Variants in RTL4 observed in about 807,000 individuals in gnomAD.
RTL4 encodes the protein retrotransposon Gag like 4, also known as retrotransposon Gag-like protein 4.
Under a neutral mutation model 5.3 loss-of-function variants are expected in RTL4, and 4 were observed. That is an observed-to-expected ratio of 0.75 (90% CI 0.37 to 1.72). RTL4 has a LOEUF of 1.72. Ranked by LOEUF, RTL4 falls within the 40% of genes most tolerant of loss-of-function variation. The pLI is 0.04. For synonymous variants in RTL4, 98 were observed against 87.3 expected (o/e 1.12, Z -0.68); for missense variants, 260 against 227.1 (o/e 1.14, Z -0.93).
chrX:112,283,436 G>A, the RTL4 span, among the ~76,000 whole-genome samples: 2 of 111,544 alleles, frequency 1.8e-5, no homozygotes, highest in Non-Finnish European at 3.8e-5. Context: ...CTGGTAAAGA[G>A]GCAACAAAGA....
chrX:112,138,197 C>A, the RTL4 span, among the ~76,000 whole-genome samples: 2 of 111,970 alleles, frequency 1.8e-5, no homozygotes, highest in Non-Finnish European at 3.8e-5. Flanking sequence ...TTAAAATAGT[C>A]AAACTCATAG....
At chrX:112,349,795 C>G in the RTL4 span, among the ~76,000 whole-genome samples, 116 of 100,786 alleles carry the variant, frequency 1.2e-3, no homozygotes, top group Non-Finnish European at 1.6e-3. Context: ...GATATACAAT[C>G]ATGTCATCTG....
the RTL4 span, among the ~76,000 whole-genome samples, chrX:112,263,786 A>G: frequency 8.9e-6 from 1 of 112,037 alleles, no homozygotes; most frequent in Non-Finnish European, 1.9e-5. Flanking sequence ...GACATACAAA[A>G]TGATAACTAT....
At chrX:112,224,531 G>A in the RTL4 span, among the ~76,000 whole-genome samples, 6 of 109,015 alleles carry the variant, frequency 5.5e-5, no homozygotes, top group South Asian at 4.0e-4. Flanking sequence ...CAGTAGAGAC[G>A]GGGTTTTGCC....
the RTL4 span, among the ~76,000 whole-genome samples, chrX:112,347,135 C>T: frequency 1.8e-5 from 2 of 111,702 alleles, no homozygotes; most frequent in African/African-American, 6.5e-5. Context: ...GAGCCCATTT[C>T]TTCCTCTCCA....
the RTL4 span, among the ~76,000 whole-genome samples, chrX:112,372,925 C>T: frequency 9.0e-6 from 1 of 111,407 alleles, no homozygotes; most frequent in Non-Finnish European, 1.9e-5. Context: ...TTGTGTCTTT[C>T]CTTGGAGACA....
chrX:112,233,981 A>G, the RTL4 span, among the ~76,000 whole-genome samples: 1 of 110,658 alleles, frequency 9.0e-6, no homozygotes, highest in Non-Finnish European at 1.9e-5. Flanking sequence ...TCGCAAGGTC[A>G]GGAGATTGAG....
chrX:112,200,662 G>C, the RTL4 span, among the ~76,000 whole-genome samples: 1 of 112,125 alleles, frequency 8.9e-6, no homozygotes, highest in Non-Finnish European at 1.9e-5. Flanking sequence ...CCTGAATGGG[G>C]CTGATTTGAA....
the RTL4 span, among the ~76,000 whole-genome samples, chrX:112,365,410 C>A: frequency 1.8e-5 from 2 of 110,895 alleles, no homozygotes; most frequent in African/African-American, 6.6e-5. Flanking sequence ...TTCATAGAAG[C>A]TTTCCCAGAT....
the RTL4 span, among the ~76,000 whole-genome samples, chrX:112,202,720 C>T: frequency 9.1e-6 from 1 of 109,562 alleles, no homozygotes; most frequent in South Asian, 4.0e-4. Context: ...GCCATCATGC[C>T]TGGCTAATTT....
exon 1 of RTL4, chrX:112,456,117 C>G (rs1602583571): frequency 5.6e-6 from 1 of 177,582 alleles, no homozygotes; most frequent in South Asian, 3.8e-4. Flanking sequence ...TGGCTTAGGA[C>G]CTTTGGCTGA....
chrX:112,194,132 G>A, the RTL4 span, among the ~76,000 whole-genome samples: 1 of 112,003 alleles, frequency 8.9e-6, no homozygotes, highest in Non-Finnish European at 1.9e-5. Context: ...GCTCTCCAGT[G>A]AGTGATTATT....
the RTL4 span, among the ~76,000 whole-genome samples, chrX:112,246,504 T>C: frequency 2.7e-5 from 3 of 112,239 alleles, no homozygotes; most frequent in Non-Finnish European, 3.8e-5. Context: ...TAAGGCTCTG[T>C]GGGTGTGGCA....
the RTL4 span, among the ~76,000 whole-genome samples, chrX:112,121,745 G>A: frequency 7.6e-4 from 84 of 111,026 alleles, no homozygotes; most frequent in African/African-American, 2.5e-3. Context: ...GATCCAGATG[G>A]GCTTATTTCA....
chrX:112,245,027 C>T, the RTL4 span, among the ~76,000 whole-genome samples: 4 of 112,344 alleles, frequency 3.6e-5, no homozygotes. Context: ...TTGGCGTCCA[C>T]TCTCTTCTGG....
chrX:112,325,053 C>T, the RTL4 span, among the ~76,000 whole-genome samples: 802 of 111,370 alleles, frequency 7.2e-3, 10 homozygotes, highest in African/African-American at 0.025. Context: ...TTCACAATTG[C>T]TTCAAAGAGA....
the RTL4 span, among the ~76,000 whole-genome samples, chrX:112,250,908 A>G: frequency 8.9e-6 from 1 of 112,145 alleles, no homozygotes; most frequent in Non-Finnish European, 1.9e-5. Flanking sequence ...TTGTCCATAT[A>G]TATTAAAAAC....
At chrX:112,356,524 T>C in the RTL4 span, among the ~76,000 whole-genome samples, 2 of 110,133 alleles carry the variant, frequency 1.8e-5, no homozygotes, top group African/African-American at 3.3e-5. Context: ...GAATACCACG[T>C]TGTGTGTAGA....
At chrX:112,318,354 C>A in the RTL4 span, among the ~76,000 whole-genome samples, 2 of 111,782 alleles carry the variant, frequency 1.8e-5, no homozygotes, top group Non-Finnish European at 3.8e-5. Context: ...TAATTTTTCT[C>A]CATTGTACTT....
Sources: allele counts gnomAD v4.1 joint callset (sites outside exome capture counted in the v4.1 genomes callset), GRCh38; gene constraint gnomAD v4.1.1; transcripts MANE v1.5; gene names NCBI Gene and HGNC (gene_info 2026-07-23, HGNC 2026-07-21).